Variants in RYR1 observed in about 807,000 individuals in gnomAD.
RYR1 encodes central core disease of muscle.
Under a neutral mutation model 583.5 loss-of-function variants are expected in RYR1, and 342 were observed. The ratio of observed to expected loss-of-function variants is 0.59; its 90% confidence interval spans 0.54 to 0.64. RYR1 has a LOEUF of 0.64. RYR1 is among the 30% of genes least tolerant of loss of function. RYR1 has a pLI of 0.00. For synonymous variants in RYR1, 2,791 were observed against 2,822.5 expected, an observed-to-expected ratio of 0.99 and a Z score of 0.35; for missense variants, 6,032 against 6,917.2, an observed-to-expected ratio of 0.87 and a Z score of 4.54.
intron 82 of RYR1, among the ~76,000 whole-genome samples, chr19:38,536,417 T>A (rs1971972597): frequency 6.6e-6 from 1 of 151,172 alleles, no homozygotes; most frequent in African/African-American, 2.4e-5. Context: ...GTTAATCGCG[T>A]CTCCTCTTTG....
intron 58 of RYR1, among the ~76,000 whole-genome samples, chr19:38,509,363 G>A (rs1416596498): frequency 6.6e-6 from 1 of 152,104 alleles, no homozygotes; most frequent in Non-Finnish European, 1.5e-5. Context: ...AAGTTGTAAG[G>A]AGACTGTGTG....
chr19:38,528,445 G>T (rs1161273646), intron 74 of RYR1, 27 bp downstream of exon 74: 1 of 1,610,062 alleles, frequency 6.2e-7, no homozygotes. Flanking sequence ...CAAGGGAAGC[G>T]TGAAGGGCTG....
intron 13 of RYR1, 48 bp downstream of exon 13, chr19:38,453,062 G>A (rs1247264562): frequency 6.3e-7 from 1 of 1,593,722 alleles, no homozygotes; most frequent in Non-Finnish European, 8.6e-7. Flanking sequence ...CCAGGGGGCG[G>A]GACCACTGAG....
intron 76 of RYR1, among the ~76,000 whole-genome samples, chr19:38,530,426 G>A (rs2092149153): frequency 6.8e-6 from 1 of 146,878 alleles, no homozygotes; most frequent in Non-Finnish European, 1.5e-5. Flanking sequence ...CTCCATGCCT[G>A]GCTATTTTTT....
At chr19:38,534,586 A>T in intron 78 of RYR1, 134 bp from the exon 79 acceptor site, 3 of 758,320 alleles carry the variant, frequency 4.0e-6, no homozygotes. Flanking sequence ...GCCCCAGGGG[A>T]TGGAGGGAGC....
In RYR1 at chr19:38,478,341, G is replaced by C. The variant is rs895706272; in HGVS notation, c.4455-94G>C. 1.7e-5 allele frequency: 24 copies of C among 1,409,222 alleles called. No individual in the cohort carries two copies. The Admixed American group carries it at 2.8e-4, about 16-fold the overall frequency. 87.3% of individuals were successfully genotyped at this position (1,409,222 alleles called of 1,614,324 possible). A position where few individuals can be genotyped will look rare whatever the true frequency, so the allele number is the denominator to read the frequency against. ...GGTGGGTGTTTGGGGATGGGACTCTGAGGTTGTGTGTTTCCGGGAGCTTGG... is the reference window on the plus strand; with the variant it reads ...GGTGGGTGTTTGGGGATGGGACTCTCAGGTTGTGTGTTTCCGGGAGCTTGG... On this transcript the variant is annotated intron_variant, in intron 30 of 105. Coordinates refer to ENST00000359596, the MANE Select transcript of RYR1 (RefSeq NM_000540.3).
intron 52 of RYR1, 38 bp downstream of exon 52, chr19:38,505,119 G>C (rs895282428): frequency 1.3e-6 from 2 of 1,584,648 alleles, no homozygotes; most frequent in Non-Finnish European, 8.7e-7. Context: ...AAACCCTCAA[G>C]ACCCCAGCTT....
At chr19:38,467,396 G>A (rs1156259395) in intron 24 of RYR1, among the ~76,000 whole-genome samples, 1 of 152,106 alleles carries the variant, frequency 6.6e-6, no homozygotes, top group Non-Finnish European at 1.5e-5. Flanking sequence ...AATTCTGACT[G>A]CTACAGAGAT....
chr19:38,585,212 A>T, intron 102 of RYR1, 113 bp downstream of exon 102: 1 of 1,307,844 alleles, frequency 7.6e-7, no homozygotes, highest in South Asian at 1.3e-5. Context: ...ACCTCTCGCT[A>T]CTGTGAGACC....
chr19:38,581,751 A>AC (rs952093552), intron 101 of RYR1, among the ~76,000 whole-genome samples: 1 of 151,800 alleles, frequency 6.6e-6, no homozygotes, highest in African/African-American at 2.4e-5. Flanking sequence ...GGCGCACACT[A>AC]CCACACCCAG....
intron 89 of RYR1, among the ~76,000 whole-genome samples, chr19:38,550,044 C>T (rs977652869): frequency 6.6e-6 from 1 of 151,968 alleles, no homozygotes; most frequent in Non-Finnish European, 1.5e-5. Context: ...GCATGAACCA[C>T]CTCGCCTAGC....
Position 38,527,683 on chromosome 19 carries a change from C to T in RYR1, c.10723C>T (p.Leu3575=). The T allele has an allele frequency of 6.2e-7, 1 of 1,614,152 alleles. No individual in the cohort carries two copies. Among genetic ancestry groups the T allele is most frequent in the South Asian group, 1.1e-5 (1 of 91,080 alleles). ...CCCGTCTCTGCGCTGGCAGATGGCT[C>T]TGTACCGGGGCGTCCCGGGTCGCGA... The part of the protein sequence containing the change: ...GSPSLRWQMA[L]YRGVPGREED... Residue 3575 remains leucine (L), a synonymous_variant, in exon 73 of 106, where the codon CTG becomes TTG. Transcript: ENST00000359596.
chr19:38,499,740 C>T lies in RYR1; in HGVS notation c.7133C>T (p.Ala2378Val). The change falls in exon 44 of 106, where the codon GCT becomes GTT. Residue 2378 changes from alanine (A) to valine (V), a missense_variant. Ala to Val is a moderately conservative substitution (Grantham distance 64, BLOSUM62 0). Coordinates refer to ENST00000359596, the MANE Select transcript of RYR1 (RefSeq NM_000540.3). The surrounding 1 kb of genome is among the most constrained non-coding windows in gnomAD (Gnocchi z 7.3). ...LRGEGGSGLLAAIEEAIRISE... is the reference protein window; with the variant it reads ...LRGEGGSGLLVAIEEAIRISE... ...GGTGAGGGTGGCTCAGGGCTGCTGG[C>T]TGCCATCGAAGAGGCCATCCGCATC... 1 of 1,601,820 alleles carries T rather than the reference C, an allele frequency of 6.2e-7. No homozygotes were observed. Among genetic ancestry groups the T allele is most frequent in the Middle Eastern group, 1.8e-4 (1 of 5,538 alleles).
In RYR1 at chr19:38,503,081, G is replaced by T. The variant is rs921346169; in HGVS notation, c.7926+111G>T. 1.7e-5 allele frequency: 17 copies of T among 1,005,696 alleles called. No individual in the cohort carries two copies. In the Admixed American group the frequency reaches 2.3e-4, roughly 14 times the overall value. 62.3% of individuals were successfully genotyped at this position (1,005,696 alleles called of 1,614,324 possible). ...CGGCACTGCCCAGCCCAATAAACCT[G>T]CACTAGTTAGGGCAGCGTCCCCGTA... On this transcript the variant is annotated intron_variant, in intron 49 of 105. Transcript: ENST00000359596.
intron 73 of RYR1, 154 bp from the exon 74 acceptor site, chr19:38,528,152 G>T: frequency 1.4e-6 from 1 of 723,764 alleles, no homozygotes; most frequent in Non-Finnish European, 2.5e-6. Context: ...GCGGAGTCAG[G>T]ACCCTGACTC....
chr19:38,534,852 G>A (rs1568549010), intron 79 of RYR1, 33 bp downstream of exon 79: 4 of 1,588,638 alleles, frequency 2.5e-6, no homozygotes, highest in Non-Finnish European at 3.4e-6. Flanking sequence ...ACTCTTCCGA[G>A]TGCACTCATC....
rs767032813 is a variant in RYR1 at position 38,517,663 on chromosome 19, C to T, written c.9990C>T (p.Asp3330=). ...TCATCGTCAACAACCTGGGCATTGACGAGGCCTCCTGGATGAAGCGGCTGG... is the reference window on the plus strand; with the variant it reads ...TCATCGTCAACAACCTGGGCATTGATGAGGCCTCCTGGATGAAGCGGCTGG... ...LRIIVNNLGI[D]EASWMKRLAV... is the part of the protein sequence containing the mutation. The change falls in exon 66 of 106, where the codon GAC becomes GAT. Residue 3330 remains aspartate, a synonymous_variant. Coordinates refer to ENST00000359596, the MANE Select transcript of RYR1 (RefSeq NM_000540.3). 32 of 1,614,036 alleles carry T rather than the reference C, an allele frequency of 2.0e-5. No homozygotes were observed. In the South Asian group the frequency reaches 2.2e-4, roughly 11 times the overall value.
intron 101 of RYR1, among the ~76,000 whole-genome samples, chr19:38,580,928 C>CTCACTGTGTT (rs1320173661): frequency 7.0e-6 from 1 of 143,488 alleles, no homozygotes; most frequent in African/African-American, 2.6e-5. Flanking sequence ...GAGATGGAGT[C>CTCACTGTGTT]TCACTGTGTT....
At chr19:38,477,205 C>T (rs1215079693) in intron 29 of RYR1, among the ~76,000 whole-genome samples, 2 of 152,030 alleles carry the variant, frequency 1.3e-5, no homozygotes, top group Non-Finnish European at 2.9e-5. Context: ...TGCAGTGGCA[C>T]GATCTCGGCT....
Sources: allele counts gnomAD v4.1 joint callset (sites outside exome capture counted in the v4.1 genomes callset), GRCh38; gene constraint gnomAD v4.1.1; non-coding constraint Gnocchi (gnomAD v3.1); transcripts MANE v1.5; gene names NCBI Gene and HGNC (gene_info 2026-07-23, HGNC 2026-07-21).